The following KIF13B variants were observed in gnomAD, a reference collection of about 807,000 sequenced individuals.
KIF13B encodes the protein kinesin-like protein KIF13B.
A neutral mutation model predicts 222.0 loss-of-function variants in KIF13B; 127 were observed. The observed-to-expected ratio is 0.57, with a 90% CI of 0.50 to 0.66. The LOEUF is 0.66. Among genes scored for constraint, KIF13B ranks in the 30% least tolerant of loss-of-function variants. The pLI, the probability that KIF13B is intolerant of heterozygous loss-of-function variation, is 0.00. For missense variants in KIF13B, 2,173 were observed against 2,379.0 expected (o/e 0.91, Z 1.80); for synonymous variants, 976 against 919.0 (o/e 1.06, Z -1.12).
intron 37 of KIF13B, among the ~76,000 whole-genome samples, chr8:29,088,291 G>A (rs1222931635): frequency 6.6e-6 from 1 of 152,042 alleles, no homozygotes; most frequent in East Asian, 1.9e-4. Flanking sequence ...ATATTTTAAA[G>A]GCTGTAATAC....
At chr8:29,167,949 C>G (rs1812077851) in intron 10 of KIF13B, among the ~76,000 whole-genome samples, 1 of 152,186 alleles carries the variant, frequency 6.6e-6, no homozygotes, top group Non-Finnish European at 1.5e-5. Flanking sequence ...CCTCCAACAT[C>G]TTCCTCCTTA....
chr8:29,083,452 A>G (rs1807903228), intron 37 of KIF13B, among the ~76,000 whole-genome samples: 1 of 152,210 alleles, frequency 6.6e-6, no homozygotes, highest in Non-Finnish European at 1.5e-5. Flanking sequence ...TTGCTAGCAG[A>G]TGCACCTCTT....
At position 29,140,135 on chromosome 8, in the gene KIF13B, C is replaced by A. The variant is rs1439544762; in HGVS notation, c.2541G>T (p.Arg847Ser). The A allele has an allele frequency of 6.2e-7, 1 of 1,613,544 alleles. No homozygotes were observed. The highest frequency in any genetic ancestry group is 8.5e-7 in the Non-Finnish European group (1 of 1,179,772). The change falls in exon 21 of 40, where the codon AGG becomes AGT. Residue 847 changes from arginine (R) to serine (S), a missense_variant. Coordinates refer to ENST00000524189, the MANE Select transcript of KIF13B (RefSeq NM_015254.4). ...VMRLSGDVGE[R>S]IAGGDEVAEV... ...CTGCCACCTCATCGCCTCCTGCGAT[C>A]CTCTCCCCAACATCACCACTGAGTC...
intron 37 of KIF13B, among the ~76,000 whole-genome samples, chr8:29,084,196 G>A (rs935974577): frequency 3.3e-5 from 5 of 152,200 alleles, no homozygotes; most frequent in African/African-American, 7.2e-5. Context: ...GATTACAAGC[G>A]TGAGCCACCG....
At chr8:29,075,909 C>A (rs1807536797) in intron 37 of KIF13B, among the ~76,000 whole-genome samples, 1 of 152,144 alleles carries the variant, frequency 6.6e-6, no homozygotes, top group African/African-American at 2.4e-5. Context: ...CAGCTGAAGG[C>A]CAGAGACACT....
intron 12 of KIF13B, among the ~76,000 whole-genome samples, chr8:29,163,210 C>G (rs978286217): frequency 6.6e-6 from 1 of 152,196 alleles, no homozygotes; most frequent in Non-Finnish European, 1.5e-5. Flanking sequence ...GCATACAACA[C>G]TAAAAGATAC....
At chr8:29,186,502 G>A (rs374262681) in intron 5 of KIF13B, 30 bp from the exon 6 acceptor site, 83 of 1,568,854 alleles carry the variant, frequency 5.3e-5, no homozygotes, top group Admixed American at 1.9e-5. Context: ...AGTTACTATT[G>A]TCTCTTTGAG....
At chr8:29,183,093 C>T (rs1812779004) in intron 6 of KIF13B, among the ~76,000 whole-genome samples, 2 of 151,394 alleles carry the variant, frequency 1.3e-5, no homozygotes, top group Non-Finnish European at 2.9e-5. Flanking sequence ...TATTTTAAAT[C>T]ACGAATGTGT....
chr8:29,174,310 C>T (rs1812387300), intron 10 of KIF13B, among the ~76,000 whole-genome samples: 1 of 152,114 alleles, frequency 6.6e-6, no homozygotes, highest in Non-Finnish European at 1.5e-5. Flanking sequence ...TTATATTCAT[C>T]CTCCAAAGTC....
intron 2 of KIF13B, among the ~76,000 whole-genome samples, chr8:29,228,951 TTTTG>T (rs957039343): frequency 9.9e-5 from 15 of 151,556 alleles, no homozygotes; most frequent in South Asian, 8.3e-4. Flanking sequence ...CCAAATTCTC[TTTTG>T]TTTATCAGTG....
At position 29,070,742 on chromosome 8, in the gene KIF13B, C is replaced by T. The variant is rs758684417; in HGVS notation, c.5243G>A (p.Gly1748Glu). ...PSGKNDGSIG[G>E]KQYFRCNPGY... ...AGGGTTACACCTGAAGTACTGCTTC[C>T]CGCCGATGGAACCGTCATTCTTACC... The change falls in exon 40 of 40, where the codon GGG becomes GAG. Residue 1748 changes from glycine (G) to glutamate (E), a missense_variant. Coordinates refer to ENST00000524189, the MANE Select transcript of KIF13B (RefSeq NM_015254.4). The surrounding 1 kb of genome is among the most constrained non-coding windows in gnomAD (Gnocchi z 4.1). The T allele has an allele frequency of 6.3e-7, 1 of 1,583,200 alleles. No individual in the cohort carries two copies. The highest frequency in any genetic ancestry group is 8.6e-7 in the Non-Finnish European group (1 of 1,165,214).
chr8:29,173,039 C>G (rs530342438), intron 10 of KIF13B, among the ~76,000 whole-genome samples: 1 of 151,852 alleles, frequency 6.6e-6, no homozygotes, highest in Non-Finnish European at 1.5e-5. Context: ...CTCAATCTCC[C>G]GAGTAGCTGG....
chr8:29,177,628 G>A (rs1586885815), intron 8 of KIF13B, 50 bp from the exon 9 acceptor site: 3 of 1,233,914 alleles, frequency 2.4e-6, no homozygotes, highest in Non-Finnish European at 3.6e-6. Flanking sequence ...AGGGCCAGGT[G>A]TGGTGGCTCA....
chr8:29,082,882 C>G (rs1807874621), intron 37 of KIF13B, among the ~76,000 whole-genome samples: 1 of 152,184 alleles, frequency 6.6e-6, no homozygotes, highest in Admixed American at 6.5e-5. Context: ...CCCAGCACTT[C>G]CGGAGGCTGA....
At chr8:29,088,003 C>T (rs1261593295) in intron 37 of KIF13B, among the ~76,000 whole-genome samples, 1 of 152,106 alleles carries the variant, frequency 6.6e-6, no homozygotes, top group Non-Finnish European at 1.5e-5. Context: ...CGCAGTGGTT[C>T]ACGCCTGTAA....
intron 3 of KIF13B, among the ~76,000 whole-genome samples, chr8:29,194,413 C>T (rs948083299): frequency 2.6e-5 from 4 of 151,660 alleles, no homozygotes; most frequent in African/African-American, 9.7e-5. Flanking sequence ...CCTGTGTGCT[C>T]GACACTGTTC....
Position 29,142,175 on chromosome 8 carries a change from C to T in KIF13B, c.2316G>A (p.Glu772=), listed in dbSNP as rs781126671. The T allele has an allele frequency of 3.1e-6, 5 of 1,613,430 alleles. No homozygotes were observed. Among genetic ancestry groups the T allele is most frequent in the Non-Finnish European group, 4.2e-6 (5 of 1,179,568 alleles). The stretch of plus-strand genomic sequence containing the variant: ...AACTTACTGGGTTATCTTCTTCACA[C>T]TCTTTCCACTCCTGATAAAGGTCTC... The part of the protein sequence containing the change: ...DMRDLYQEWK[E]CEEDNPVIRS... Residue 772 remains glutamate, a synonymous_variant, in exon 19 of 40, where the codon GAG becomes GAA. Coordinates refer to ENST00000524189, the MANE Select transcript of KIF13B (RefSeq NM_015254.4).
At chr8:29,225,974 C>T (rs575921008) in intron 2 of KIF13B, among the ~76,000 whole-genome samples, 2 of 152,370 alleles carry the variant, frequency 1.3e-5, no homozygotes, top group African/African-American at 4.8e-5. Flanking sequence ...AAGAGCATGA[C>T]TGCCTGGCAT....
At position 29,067,520 on chromosome 8, in the gene KIF13B, T is replaced by C. The variant is rs1006518876; in HGVS notation, c.*2984A>G. On this transcript the variant is annotated 3_prime_UTR_variant, in exon 40 of 40. Transcript: ENST00000524189. ...CTTCGCATTTACACGAATCCACACA[T>C]AGAGAAGCTGTTCCAAGACCCCCCA... 6.6e-6 allele frequency: 1 copy of C among 152,206 alleles called. No individual in the cohort carries two copies. The highest frequency in any genetic ancestry group is 1.5e-5 in the Non-Finnish European group (1 of 68,034). 9.4% of individuals were successfully genotyped at this position (152,206 alleles called of 1,614,324 possible). A position where few individuals can be genotyped will look rare whatever the true frequency, so the allele number is the denominator to read the frequency against.
Sources: gnomAD v4.1 joint callset for allele counts (sites outside exome capture counted in the v4.1 genomes callset) on GRCh38, gnomAD v4.1.1 for gene constraint, Gnocchi (gnomAD v3.1) non-coding constraint, MANE v1.5 for transcripts, NCBI Gene and HGNC (gene_info 2026-07-23, HGNC 2026-07-21) for gene names.